Variants in MAST4 observed in about 807,000 individuals in gnomAD.
MAST4 encodes microtubule associated serine/threonine kinase family member 4, also known as microtubule-associated serine/threonine-protein kinase 4.
In MAST4, 89 loss-of-function variants were observed where a neutral mutation model predicts 162.7. The ratio of observed to expected loss-of-function variants is 0.55; its 90% CI spans 0.46 to 0.65. MAST4 has a LOEUF of 0.65. Ranked by LOEUF, MAST4 falls within the 30% of genes least tolerant of loss-of-function variation. The pLI is 0.00. For missense variants in MAST4, 3,153 were observed against 3,374.0 expected, an observed-to-expected ratio of 0.93 and a Z score of 1.62; for synonymous variants, 1,479 against 1,361.1, an observed-to-expected ratio of 1.09 and a Z score of -1.91.
intron 4 of MAST4, among the ~76,000 whole-genome samples, chr5:66,916,038 G>A (rs1764097736): frequency 6.6e-6 from 1 of 152,138 alleles, no homozygotes; most frequent in Non-Finnish European, 1.5e-5. Flanking sequence ...AATGCGGCTA[G>A]GCCAAACAGA....
intron 1 of MAST4, among the ~76,000 whole-genome samples, chr5:66,688,005 T>C (rs770839862): frequency 3.9e-5 from 6 of 152,210 alleles, no homozygotes; most frequent in Non-Finnish European, 8.8e-5. Flanking sequence ...AGTTGGACTC[T>C]CCTTATGTCT....
intron 4 of MAST4, among the ~76,000 whole-genome samples, chr5:66,967,763 AAT>A (rs147713350): frequency 0.13 from 18,770 of 147,478 alleles, 1,677 homozygotes; most frequent in African/African-American, 0.26. Flanking sequence ...CTACAAACTA[AAT>A]ATATATATAT....
chr5:66,745,156 G>C (rs1271475913), intron 1 of MAST4, among the ~76,000 whole-genome samples: 5 of 152,026 alleles, frequency 3.3e-5, no homozygotes, highest in African/African-American at 1.2e-4. Context: ...AAATTTATAC[G>C]GCTGATAAGT....
chr5:67,147,344 A>G (rs987527031), intron 23 of MAST4, among the ~76,000 whole-genome samples: 1 of 152,212 alleles, frequency 6.6e-6, no homozygotes. Context: ...AAAAGAAGGA[A>G]CCCTTGACAT....
At chr5:67,071,376 G>A (rs866798587) in intron 5 of MAST4, among the ~76,000 whole-genome samples, 6 of 152,162 alleles carry the variant, frequency 3.9e-5, no homozygotes, top group African/African-American at 1.4e-4. Flanking sequence ...TAGGGAGGGA[G>A]GGAGGTAGAT....
At chr5:67,087,513 T>G (rs1763372761) in intron 5 of MAST4, among the ~76,000 whole-genome samples, 1 of 152,154 alleles carries the variant, frequency 6.6e-6, no homozygotes, top group Admixed American at 6.5e-5. Flanking sequence ...AGAGAAACTG[T>G]CTCGATTGCC....
At chr5:66,826,810 C>T (rs1266852323) in intron 3 of MAST4, among the ~76,000 whole-genome samples, 1 of 152,190 alleles carries the variant, frequency 6.6e-6, no homozygotes, top group African/African-American at 2.4e-5. Flanking sequence ...CTTCCTTTTG[C>T]CTCTGTGGGC....
At chr5:66,607,138 A>T (rs976601045) in intron 1 of MAST4, among the ~76,000 whole-genome samples, 2 of 152,134 alleles carry the variant, frequency 1.3e-5, no homozygotes, top group African/African-American at 4.8e-5. Flanking sequence ...GTTTGAGGAG[A>T]TCATCAAGCC....
intron 19 of MAST4, among the ~76,000 whole-genome samples, chr5:67,138,527 A>G (rs984504014): frequency 2.0e-5 from 3 of 152,088 alleles, no homozygotes; most frequent in African/African-American, 7.2e-5. Flanking sequence ...TCCGCCTCCC[A>G]GGTTCAAGCG....
intron 3 of MAST4, among the ~76,000 whole-genome samples, chr5:66,835,120 T>C (rs562657148): frequency 6.6e-6 from 1 of 152,330 alleles, no homozygotes; most frequent in Non-Finnish European, 1.5e-5. Flanking sequence ...TTTTATTGAG[T>C]GTTGCTAAAA....
At chr5:66,721,207 G>T (rs73112456) in intron 1 of MAST4, among the ~76,000 whole-genome samples, 2,589 of 152,192 alleles carry the variant, frequency 0.017, 73 homozygotes, top group African/African-American at 0.058. Context: ...TCAGATGGCT[G>T]CAATTTTATT....
intron 3 of MAST4, among the ~76,000 whole-genome samples, chr5:66,801,120 A>G (rs556417021): frequency 6.6e-6 from 1 of 152,280 alleles, no homozygotes; most frequent in Non-Finnish European, 1.5e-5. Flanking sequence ...AACATTTTTT[A>G]GTAAGCATCC....
At chr5:66,748,344 TG>T (rs2149586705) in intron 1 of MAST4, among the ~76,000 whole-genome samples, 1 of 151,274 alleles carries the variant, frequency 6.6e-6, no homozygotes, top group Admixed American at 6.6e-5. Context: ...CTTCTTTACT[TG>T]TTTATAAGAA....
chr5:66,741,959 G>A (rs1184211960), intron 1 of MAST4, among the ~76,000 whole-genome samples: 1 of 152,188 alleles, frequency 6.6e-6, no homozygotes, highest in Non-Finnish European at 1.5e-5. Flanking sequence ...TTGATCTACT[G>A]TAAGTTCAGG....
At position 67,166,553 on chromosome 5, in the gene MAST4, T is replaced by G; in HGVS notation, c.7374T>G (p.Ser2458=). ...SFRSTALPEK[S]LSCSSSFPET... is the part of the protein sequence containing the mutation. ...GATCCACGGCCCTCCCGGAAAAGTC[T>G]CTGAGCTGCTCCTCCAGCTTCCCTG... The change falls in exon 29 of 29, where the codon TCT becomes TCG. Residue 2458 remains serine, a synonymous_variant. Coordinates refer to ENST00000403625, the MANE Select transcript of MAST4 (RefSeq NM_001164664.2). 1 of 1,606,840 alleles carries G rather than the reference T, an allele frequency of 6.2e-7. No homozygotes were observed.
intron 5 of MAST4, among the ~76,000 whole-genome samples, chr5:67,075,161 G>GT (rs35184662): frequency 0.31 from 40,089 of 127,918 alleles, 7,138 homozygotes; most frequent in African/African-American, 0.52. Flanking sequence ...ATTGGAATGA[G>GT]TTTTTTTTTT....
At chr5:66,686,724 A>T (rs368472726) in intron 1 of MAST4, among the ~76,000 whole-genome samples, 9 of 152,110 alleles carry the variant, frequency 5.9e-5, no homozygotes, top group Non-Finnish European at 1.3e-4. Flanking sequence ...TTAAAAAATT[A>T]CTTTGTATGT....
At chr5:66,640,444 A>T (rs921180716) in intron 1 of MAST4, among the ~76,000 whole-genome samples, 2 of 151,960 alleles carry the variant, frequency 1.3e-5, no homozygotes, top group Non-Finnish European at 2.9e-5. Context: ...AGTAGCTGGG[A>T]CTACAGGCAC....
chr5:67,060,712 C>T (rs946905350), intron 5 of MAST4, among the ~76,000 whole-genome samples: 8 of 152,000 alleles, frequency 5.3e-5, no homozygotes, highest in African/African-American at 1.7e-4. Context: ...CTCCTGACCT[C>T]GTGATCCACC....
Sources: gnomAD v4.1 joint callset for allele counts (sites outside exome capture counted in the v4.1 genomes callset) on GRCh38, gnomAD v4.1.1 for gene constraint, MANE v1.5 for transcripts, NCBI Gene and HGNC (gene_info 2026-07-23, HGNC 2026-07-21) for gene names.